KAT2B: variants seen among roughly 807,000 people sequenced by gnomAD.
KAT2B encodes histone acetyltransferase KAT2B.
A neutral mutation model predicts 105.9 loss-of-function variants in KAT2B; 36 were observed. That is an observed-to-expected ratio of 0.34 (90% confidence interval 0.26 to 0.45). KAT2B has a LOEUF of 0.45. KAT2B is among the 20% of genes least tolerant of loss of function. The pLI is 1.00. For missense variants in KAT2B, 820 were observed against 1,021.6 expected (o/e 0.80, Z 2.69); for synonymous variants, 397 against 377.9 (o/e 1.05, Z -0.59).
intron 1 of KAT2B, among the ~76,000 whole-genome samples, chr3:20,048,760 C>A (rs2125164597): frequency 6.6e-6 from 1 of 152,300 alleles, no homozygotes; most frequent in Admixed American, 6.5e-5. Context: ...CTGCTGTGGT[C>A]ATCTGATTCA....
intron 17 of KAT2B, among the ~76,000 whole-genome samples, chr3:20,149,254 C>T (rs2125199594): frequency 6.6e-6 from 1 of 152,168 alleles, no homozygotes; most frequent in Admixed American, 6.5e-5. Context: ...TCTTCTGTCT[C>T]TTTTCTACCT....
At chr3:20,083,424 T>A (rs1157586147) in intron 2 of KAT2B, among the ~76,000 whole-genome samples, 1 of 152,200 alleles carries the variant, frequency 6.6e-6, no homozygotes, top group Admixed American at 6.5e-5. Flanking sequence ...TTAATATGAA[T>A]TGATTGTCAG....
chr3:20,133,078 C>T (rs369824634), intron 11 of KAT2B, among the ~76,000 whole-genome samples: 1 of 152,148 alleles, frequency 6.6e-6, no homozygotes, highest in Non-Finnish European at 1.5e-5. Context: ...TATACAAATG[C>T]GTTTTCAGAT....
chr3:20,040,862 T>TCCGCCTC (rs1205680063), intron 1 of KAT2B, 82 bp downstream of exon 1: 8 of 1,385,558 alleles, frequency 5.8e-6, no homozygotes, highest in South Asian at 1.4e-5. Context: ...CGCTTCCACC[T>TCCGCCTC]CCGCCTCCCG....
At chr3:20,142,584 A>G (rs572405628) in intron 13 of KAT2B, among the ~76,000 whole-genome samples, 1 of 150,704 alleles carries the variant, frequency 6.6e-6, no homozygotes, top group African/African-American at 2.4e-5. Context: ...GAGAGAGAGA[A>G]AACTAGTATA....
intron 2 of KAT2B, among the ~76,000 whole-genome samples, chr3:20,082,265 C>G (rs1358752857): frequency 6.6e-6 from 1 of 152,054 alleles, no homozygotes; most frequent in Non-Finnish European, 1.5e-5. Context: ...GAACTACTGA[C>G]CTCAAATGAT....
At chr3:20,108,779 C>T (rs1276586263) in intron 5 of KAT2B, among the ~76,000 whole-genome samples, 1 of 152,158 alleles carries the variant, frequency 6.6e-6, no homozygotes, top group African/African-American at 2.4e-5. Flanking sequence ...GCCTGAGCTC[C>T]ACCTCCTGTC....
rs534647154 is a variant in KAT2B, at chr3:20,109,604, C to T, written c.852-1992C>T. 3.0e-4 allele frequency among the ~76,000 whole-genome samples: 46 copies of T among 152,232 alleles called. 1 individual carries two copies. Among genetic ancestry groups the T allele is most frequent in the African/African-American group, 1.1e-3 (45 of 41,544 alleles). The stretch of plus-strand genomic sequence containing the variant: ...AAGCACTGGGATGACTGGTGTAAGC[C>T]ACCATGCCATGCCTAGCCAGCCCAT... On this transcript the variant is annotated intron_variant, in intron 5 of 17. Transcript: ENST00000263754.
intron 5 of KAT2B, among the ~76,000 whole-genome samples, chr3:20,104,752 A>C (rs1406897577): frequency 6.6e-6 from 1 of 152,206 alleles, no homozygotes; most frequent in Non-Finnish European, 1.5e-5. Context: ...TTAGAAAATG[A>C]TTGTGTTCAT....
intron 1 of KAT2B, among the ~76,000 whole-genome samples, chr3:20,053,072 A>G (rs1697943128): frequency 6.6e-6 from 1 of 152,170 alleles, no homozygotes; most frequent in African/African-American, 2.4e-5. Flanking sequence ...CTGGAACAAC[A>G]CTTACTCATA....
chr3:20,091,419 T>G (rs1698716268), intron 2 of KAT2B, among the ~76,000 whole-genome samples: 1 of 151,836 alleles, frequency 6.6e-6, no homozygotes, highest in Admixed American at 6.6e-5. Context: ...AGTTTGTCCA[T>G]TTTTTTTATC....
chr3:20,102,828 GCC>G (rs1698933320), intron 5 of KAT2B, among the ~76,000 whole-genome samples: 1 of 152,106 alleles, frequency 6.6e-6, no homozygotes, highest in Non-Finnish European at 1.5e-5. Context: ...GAGCTTTAGT[GCC>G]TACTTTTTTC....
At chr3:20,097,450 T>C (rs560506509) in intron 3 of KAT2B, among the ~76,000 whole-genome samples, 2 of 152,346 alleles carry the variant, frequency 1.3e-5, no homozygotes, top group South Asian at 4.1e-4. Flanking sequence ...GTATTATTCT[T>C]GGGCAAATAA....
intron 1 of KAT2B, among the ~76,000 whole-genome samples, chr3:20,055,622 A>T (rs189585848): frequency 1.5e-4 from 23 of 150,858 alleles, no homozygotes; most frequent in African/African-American, 5.1e-4. Context: ...GTGTGGCTAG[A>T]TGGAGGTGGG....
intron 11 of KAT2B, 151 bp from the exon 12 acceptor site, chr3:20,136,791 A>T (rs1156961337): frequency 2.4e-6 from 1 of 411,686 alleles, no homozygotes; most frequent in Non-Finnish European, 4.3e-6. Flanking sequence ...AAACGCAAGA[A>T]AGGGTGTTAA....
At chr3:20,065,663 C>G (rs1219947058) in intron 1 of KAT2B, among the ~76,000 whole-genome samples, 1 of 152,096 alleles carries the variant, frequency 6.6e-6, no homozygotes, top group Non-Finnish European at 1.5e-5. Context: ...TGTTAGGTGT[C>G]CCATGGAGCA....
At chr3:20,106,917 C>T (rs28716666) in intron 5 of KAT2B, among the ~76,000 whole-genome samples, 24,146 of 119,940 alleles carry the variant, frequency 0.2, 2,303 homozygotes, top group Middle Eastern at 0.33. Flanking sequence ...CTAGTAGCTA[C>T]GTATAAAATG....
chr3:20,129,989 T>TATC (rs1296392821), intron 11 of KAT2B, among the ~76,000 whole-genome samples: 1 of 151,948 alleles, frequency 6.6e-6, no homozygotes, highest in African/African-American at 2.4e-5. Context: ...TTATTATTAT[T>TATC]ATTATTTTGA....
intron 1 of KAT2B, among the ~76,000 whole-genome samples, chr3:20,058,422 C>T (rs974003845): frequency 4.4e-5 from 6 of 135,488 alleles, no homozygotes; most frequent in African/African-American, 1.1e-4. Context: ...GCCACTGCAC[C>T]GTAGCCTGGG....
Sources: allele counts gnomAD v4.1 joint callset (sites outside exome capture counted in the v4.1 genomes callset), GRCh38; gene constraint gnomAD v4.1.1; transcripts MANE v1.5; gene names NCBI Gene and HGNC (gene_info 2026-07-23, HGNC 2026-07-21).